The following RPTOR variants were observed in gnomAD, a reference collection of about 807,000 sequenced individuals.
RPTOR encodes regulatory associated protein of MTOR complex 1, also known as regulatory-associated protein of mTOR.
A neutral mutation model predicts 169.9 loss-of-function variants in RPTOR; 21 were observed. That is an observed-to-expected ratio of 0.12 (90% confidence interval 0.09 to 0.18). RPTOR has a LOEUF of 0.18. Among genes scored for constraint, RPTOR ranks in the 10% least tolerant of loss-of-function variants. The pLI, the probability that RPTOR is intolerant of heterozygous loss-of-function variation, is 1.00. For missense variants in RPTOR, 1,133 were observed against 1,855.9 expected (o/e 0.61, Z 7.16); for synonymous variants, 732 against 753.2 (o/e 0.97, Z 0.46).
intron 3 of RPTOR, among the ~76,000 whole-genome samples, chr17:80,698,212 C>T (rs1295217664): frequency 6.6e-6 from 1 of 152,180 alleles, no homozygotes; most frequent in East Asian, 1.9e-4. Flanking sequence ...GCAGAGGTGA[C>T]AGGCCAGGTA....
chr17:80,660,617 C>T (rs1425016150), intron 3 of RPTOR, among the ~76,000 whole-genome samples: 4 of 152,132 alleles, frequency 2.6e-5, no homozygotes, highest in Non-Finnish European at 5.9e-5. Context: ...CTCCCTGCCC[C>T]GTTTCCCATT....
chr17:80,922,589 T>A (rs984336519), intron 21 of RPTOR, 135 bp from the exon 22 acceptor site: 24 of 714,250 alleles, frequency 3.4e-5, no homozygotes, highest in Non-Finnish European at 5.3e-5. Flanking sequence ...GGGCCTTCCA[T>A]TGGTGTTGGT....
At chr17:80,727,300 G>A (rs1489267600) in intron 4 of RPTOR, among the ~76,000 whole-genome samples, 177 of 48,254 alleles carry the variant, frequency 3.7e-3, no homozygotes, top group Admixed American at 5.5e-3. Context: ...ACCTCTGACC[G>A]CATCATGCTC....
At chr17:80,839,566 AC>A (rs936765058) in intron 10 of RPTOR, among the ~76,000 whole-genome samples, 32 of 33,282 alleles carry the variant, frequency 9.6e-4, no homozygotes, top group African/African-American at 2.3e-3. Context: ...TGGACCACAA[AC>A]CTTGGGGGGC....
rs202122701 is a variant in RPTOR, at chr17:80,893,717, G to A, written c.2253G>A (p.Ala751=). The change falls in exon 20 of 34, where the codon GCG becomes GCA. Residue 751 remains alanine, a synonymous_variant. Transcript: ENST00000306801. ...TTGCGTCTCGGGCAGCTGGTGGCGC[G>A]GTGGCGTTCTCCCCCGGAAACCTCA... is the stretch of plus-strand genomic sequence containing the variant. ...NLSLTEESGG[A]VAFSPGNLST... 1.4e-5 allele frequency: 22 copies of A among 1,609,284 alleles called. No individual in the cohort carries two copies. The highest frequency in any genetic ancestry group is 8.0e-5 in the African/African-American group (6 of 74,646).
rs956809671 is a variant in RPTOR at position 80,938,059 on chromosome 17, G to A, written c.2920-2437G>A. Among the ~76,000 whole-genome samples the A allele has an allele frequency of 3.9e-5, 6 of 152,240 alleles. No individual in the cohort carries two copies. In the South Asian group the frequency reaches 6.2e-4, roughly 16 times the overall value. On this transcript the variant is annotated intron_variant, in intron 24 of 33. Coordinates refer to ENST00000306801, the MANE Select transcript of RPTOR (RefSeq NM_020761.3). ...TAGAGCTCAGATTAGGGAAGTGGCGGCCCCTACCCCTACAGGCAGAAGCCC... is the reference window on the plus strand; with the variant it reads ...TAGAGCTCAGATTAGGGAAGTGGCGACCCCTACCCCTACAGGCAGAAGCCC...
At chr17:80,709,116 T>A in intron 4 of RPTOR, 1 of 985,070 alleles carries the variant, frequency 1.0e-6, no homozygotes, top group South Asian at 4.7e-5. Context: ...GTTAGAAAGG[T>A]ATCCACCCAG....
intron 3 of RPTOR, among the ~76,000 whole-genome samples, chr17:80,668,681 T>C (rs2065799211): frequency 6.6e-6 from 1 of 152,224 alleles, no homozygotes; most frequent in South Asian, 2.1e-4. Flanking sequence ...AGGGATCTCC[T>C]CTTTTCTGTC....
chr17:80,664,122 C>T (rs570774679), intron 3 of RPTOR, among the ~76,000 whole-genome samples: 1 of 152,104 alleles, frequency 6.6e-6, no homozygotes, highest in Non-Finnish European at 1.5e-5. Flanking sequence ...TATGACTTAG[C>T]GCAGAGGGCT....
In RPTOR at chr17:80,878,789, A is replaced by G. The variant is rs2068151442; in HGVS notation, c.1510-1626A>G. ...CCCGAAGTATTATCGTTACCCCTGAATATCCAAGGCAGGATCATTTTATTC... is the reference window on the plus strand; with the variant it reads ...CCCGAAGTATTATCGTTACCCCTGAGTATCCAAGGCAGGATCATTTTATTC... On this transcript the variant is annotated intron_variant, in intron 13 of 33. Transcript: ENST00000306801. The surrounding 1 kb of genome is among the most constrained non-coding windows in gnomAD (Gnocchi z 4.1). Among the ~76,000 whole-genome samples the G allele has an allele frequency of 6.6e-6, 1 of 152,280 alleles. No individual in the cohort carries two copies. The highest frequency in any genetic ancestry group is 1.9e-4 in the East Asian group (1 of 5,182).
intron 3 of RPTOR, among the ~76,000 whole-genome samples, chr17:80,649,875 G>A (rs916273764): frequency 1.3e-5 from 2 of 152,124 alleles, no homozygotes; most frequent in Non-Finnish European, 2.9e-5. Context: ...AGAAGCCTTC[G>A]TAGTCAGCCC....
chr17:80,549,225 A>G (rs1270810679), intron 1 of RPTOR, among the ~76,000 whole-genome samples: 1 of 151,930 alleles, frequency 6.6e-6, no homozygotes, highest in Non-Finnish European at 1.5e-5. Context: ...GGTTAATTCT[A>G]CTATGTATAG....
intron 20 of RPTOR, among the ~76,000 whole-genome samples, chr17:80,896,432 C>T: frequency 7.9e-6 from 1 of 125,822 alleles, no homozygotes; most frequent in South Asian, 2.6e-4. Flanking sequence ...GCCTCGCCAA[C>T]ACCCCACGGC....
Position 80,743,789 on chromosome 17 carries a change from GGC to G in RPTOR, c.655-10220_655-10219del, listed in dbSNP as rs1334444989. On this transcript the variant is annotated intron_variant, in intron 5 of 33. Transcript: ENST00000306801. ...CTCTCCTGGTTACTAGCAGAGCCCT[GGC>G]TACTAGCACAGCCCTGGCTACTAGC... 1.5e-4 allele frequency among the ~76,000 whole-genome samples: 19 copies of G among 128,192 alleles called. 1 individual carries two copies. Among genetic ancestry groups the G allele is most frequent in the East Asian group, 7.5e-4 (3 of 4,004 alleles). The allele number at this position is 128,192 out of a possible 152,430, so 84.1% of individuals were successfully genotyped here.
rs967660701 is a variant in RPTOR, at chr17:80,947,775, C to G, written c.3265+424C>G. 2.0e-5 allele frequency among the ~76,000 whole-genome samples: 3 copies of G among 152,162 alleles called. No individual in the cohort carries two copies. The highest frequency in any genetic ancestry group is 4.4e-5 in the Non-Finnish European group (3 of 68,040). On this transcript the variant is annotated intron_variant, in intron 27 of 33. Coordinates refer to ENST00000306801, the MANE Select transcript of RPTOR (RefSeq NM_020761.3). The surrounding 1 kb of genome is among the most constrained non-coding windows in gnomAD (Gnocchi z 4.4). Reference sequence around the variant, plus strand: ...CTGGCTCATTTGCCAGTTGCTGTCCCCACTGGGAGCTGGCACTCACCCTCC... The same window carrying G: ...CTGGCTCATTTGCCAGTTGCTGTCCGCACTGGGAGCTGGCACTCACCCTCC...
In RPTOR at chr17:80,907,642, C is replaced by G. The variant is rs535720846; in HGVS notation, c.2402-1169C>G. 9.0e-5 allele frequency among the ~76,000 whole-genome samples: 13 copies of G among 143,790 alleles called. No individual in the cohort carries two copies. In the East Asian group the frequency reaches 1.2e-3, roughly 13 times the overall value. 94.3% of individuals were successfully genotyped at this position (143,790 alleles called of 152,430 possible). A position where few individuals can be genotyped will look rare whatever the true frequency, so the allele number is the denominator to read the frequency against. ...AGCCCACATAGCCCGTGCCTGCCCC[C>G]CCTTCTGGTTTCCAAGTGCTCACAG... On this transcript the variant is annotated intron_variant, in intron 20 of 33. Coordinates refer to ENST00000306801, the MANE Select transcript of RPTOR (RefSeq NM_020761.3).
chr17:80,720,294 T>C, intron 4 of RPTOR, among the ~76,000 whole-genome samples: 1 of 149,132 alleles, frequency 6.7e-6, no homozygotes, highest in African/African-American at 2.5e-5. Context: ...AGAAACTGTC[T>C]CAAAAAAAAA....
In RPTOR at chr17:80,575,659, T is replaced by G. The variant is rs911385535; in HGVS notation, c.162+29868T>G. Among the ~76,000 whole-genome samples the G allele has an allele frequency of 3.9e-5, 6 of 152,330 alleles. No individual in the cohort carries two copies. In the South Asian group the frequency reaches 1.0e-3, roughly 26 times the overall value. ...GTGGTCAGTTTTTGTAAATGTTCCC[T>G]GTGTACTTGAACACGATGCGTGTCT... On this transcript the variant is annotated intron_variant, in intron 1 of 33. Coordinates refer to ENST00000306801, the MANE Select transcript of RPTOR (RefSeq NM_020761.3).
At position 80,957,592 on chromosome 17, in the gene RPTOR, G is replaced by A. The variant is rs751122243; in HGVS notation, c.3371-32G>A. ...AGCCTGCCCAAGGCAAGGGCCCATG[G>A]GGTGATGCCATGTCCCACTGTATCT... On this transcript the variant is annotated intron_variant, in intron 28 of 33. Transcript: ENST00000306801. The surrounding 1 kb of genome is among the most constrained non-coding windows in gnomAD (Gnocchi z 4.6). 1 of 1,602,740 alleles carries A rather than the reference G, an allele frequency of 6.2e-7. No individual in the cohort carries two copies. Among genetic ancestry groups the A allele is most frequent in the South Asian group, 1.1e-5 (1 of 90,868 alleles).
Sources: allele counts gnomAD v4.1 joint callset (sites outside exome capture counted in the v4.1 genomes callset), GRCh38; gene constraint gnomAD v4.1.1; non-coding constraint Gnocchi (gnomAD v3.1); transcripts MANE v1.5; gene names NCBI Gene and HGNC (gene_info 2026-07-23, HGNC 2026-07-21).